ABCC1: variants seen among roughly 807,000 people sequenced by gnomAD.
The protein encoded by ABCC1 is ATP binding cassette subfamily C member 1 (ABCC1 blood group), also known as multidrug resistance-associated protein 1.
ABCC1 carries 83 observed loss-of-function variants against 172.9 expected under a neutral mutation model. The ratio of observed to expected loss-of-function variants is 0.48; its 90% confidence interval spans 0.40 to 0.58. The LOEUF (loss-of-function observed/expected upper bound fraction) is 0.58. ABCC1 is among the 20% of genes least tolerant of loss of function. The pLI, the probability that ABCC1 is intolerant of heterozygous loss-of-function variation, is 0.00. For synonymous variants in ABCC1, 937 were observed against 825.2 expected (o/e 1.14, Z -2.32); for missense variants, 1,817 against 2,002.7 (o/e 0.91, Z 1.77).
At chr16:16,077,830 T>C (rs152032) in intron 15 of ABCC1, among the ~76,000 whole-genome samples, 62,083 of 152,022 alleles carry the variant, frequency 0.41, 14,265 homozygotes, top group African/African-American at 0.64. Context: ...TGAGACCAGC[T>C]TGGCCAACAT....
intron 1 of ABCC1, among the ~76,000 whole-genome samples, chr16:15,960,996 G>T (rs1031036332): frequency 7.5e-6 from 1 of 133,912 alleles, no homozygotes; most frequent in African/African-American, 2.8e-5. Flanking sequence ...TGAATGAAAC[G>T]CAGGTTTTTT....
At chr16:16,021,786 A>T (rs149702322) in intron 5 of ABCC1, among the ~76,000 whole-genome samples, 1 of 152,296 alleles carries the variant, frequency 6.6e-6, no homozygotes, top group African/African-American at 2.4e-5. Flanking sequence ...AGCAATTGAG[A>T]TGGGGGCAAG....
chr16:16,130,372 C>T (rs185305497), intron 26 of ABCC1, among the ~76,000 whole-genome samples: 1 of 152,130 alleles, frequency 6.6e-6, no homozygotes, highest in Non-Finnish European at 1.5e-5. Flanking sequence ...TTATTGGCAT[C>T]TAAAAACAAA....
chr16:16,047,945 A>G (rs762213742), intron 9 of ABCC1, among the ~76,000 whole-genome samples, 197 bp from the exon 10 acceptor site: 10 of 151,954 alleles, frequency 6.6e-5, no homozygotes, highest in Non-Finnish European at 1.5e-4. Flanking sequence ...GTTGGGAGGC[A>G]CTGAGCACCG....
intron 7 of ABCC1, among the ~76,000 whole-genome samples, chr16:16,039,260 T>C (rs2048880055): frequency 7.8e-6 from 1 of 128,130 alleles, no homozygotes; most frequent in Non-Finnish European, 1.6e-5. Flanking sequence ...TGTGTGTGTG[T>C]GTTTTCTTTT....
At position 16,131,938 on chromosome 16, in the gene ABCC1, G is replaced by C; in HGVS notation, c.3966+3G>C. On this transcript the variant is annotated splice_donor_region_variant and intron_variant, in intron 27 of 30. Coordinates refer to ENST00000399410, the MANE Select transcript of ABCC1 (RefSeq NM_004996.4). The stretch of plus-strand genomic sequence containing the variant: ...TCACGATCAATGGGGGAGAAAAGGT[G>C]GGTACACATCGCCCCATTCCCTCAC... 1.9e-6 allele frequency: 3 copies of C among 1,613,558 alleles called. No homozygotes were observed. Among genetic ancestry groups the C allele is most frequent in the Non-Finnish European group, 2.5e-6 (3 of 1,179,720 alleles).
intron 27 of ABCC1, among the ~76,000 whole-genome samples, chr16:16,132,521 T>G (rs762288264): frequency 0.021 from 1,927 of 93,912 alleles, 43 homozygotes; most frequent in Middle Eastern, 0.037. Context: ...TTTTTTTTTT[T>G]TTTTTTTTTT....
Position 16,142,390 on chromosome 16 carries a change from G to A in ABCC1, c.*1109G>A, listed in dbSNP as rs1309271431. ...CATGGTACCTGCTCATGGTTATGAA[G>A]CTTTCAAAGTAAAGAACACGAAATA... is the stretch of plus-strand genomic sequence containing the variant. On this transcript the variant is annotated 3_prime_UTR_variant, in exon 31 of 31. Coordinates refer to ENST00000399410, the MANE Select transcript of ABCC1 (RefSeq NM_004996.4). The A allele has an allele frequency of 6.6e-6, 1 of 152,166 alleles. No homozygotes were observed. The highest frequency in any genetic ancestry group is 1.5e-5 in the Non-Finnish European group (1 of 68,016). 9.4% of individuals were successfully genotyped at this position (152,166 alleles called of 1,614,324 possible). A position where few individuals can be genotyped will look rare whatever the true frequency, so the allele number is the denominator to read the frequency against.
chr16:15,950,587 A>G (rs972166049), intron 1 of ABCC1, among the ~76,000 whole-genome samples: 3 of 152,064 alleles, frequency 2.0e-5, no homozygotes, highest in Non-Finnish European at 4.4e-5. Context: ...TGGCCTGCGG[A>G]GCCTGACTGG....
chr16:16,077,481 C>T (rs1384060200), intron 15 of ABCC1, among the ~76,000 whole-genome samples: 17 of 151,978 alleles, frequency 1.1e-4, no homozygotes, highest in Admixed American at 1.1e-3. Flanking sequence ...CATGAGCCCC[C>T]AGAACCTTTC....
chr16:16,117,340 A>G (rs796351536), intron 23 of ABCC1, among the ~76,000 whole-genome samples: 6 of 152,260 alleles, frequency 3.9e-5, no homozygotes, highest in Admixed American at 1.3e-4. Flanking sequence ...GAACTAACTC[A>G]CTATCATGAG....
chr16:16,126,448 A>T (rs928274642), intron 26 of ABCC1, among the ~76,000 whole-genome samples: 2 of 152,126 alleles, frequency 1.3e-5, no homozygotes, highest in Admixed American at 1.3e-4. Context: ...CAGTGGCACA[A>T]TCTCGGCTCA....
chr16:15,955,328 A>T (rs1023264535), intron 1 of ABCC1, among the ~76,000 whole-genome samples: 1 of 152,164 alleles, frequency 6.6e-6, no homozygotes, highest in African/African-American at 2.4e-5. Context: ...ACTGCGCTCC[A>T]GCCTGGGTGA....
intron 6 of ABCC1, among the ~76,000 whole-genome samples, chr16:16,034,092 C>G (rs998749351): frequency 5.9e-5 from 8 of 136,124 alleles, no homozygotes; most frequent in Non-Finnish European, 9.1e-5. Context: ...CAGCGGCACA[C>G]TTGTAGCTCA....
At chr16:16,130,596 C>T (rs553163049) in intron 26 of ABCC1, among the ~76,000 whole-genome samples, 15 of 152,212 alleles carry the variant, frequency 9.9e-5, no homozygotes, top group African/African-American at 1.4e-4. Flanking sequence ...TTGTCTAAAC[C>T]GTAAAATTTT....
chr16:16,030,038 G>A (rs973645500), intron 5 of ABCC1, among the ~76,000 whole-genome samples: 1 of 152,074 alleles, frequency 6.6e-6, no homozygotes. Flanking sequence ...ATCACTCTGT[G>A]GTGATCGAAT....
intron 19 of ABCC1, among the ~76,000 whole-genome samples, chr16:16,100,513 C>G (rs1187215042): frequency 1.3e-5 from 2 of 152,140 alleles, no homozygotes; most frequent in Non-Finnish European, 2.9e-5. Flanking sequence ...CATGGGAAGT[C>G]CTGCTTGGTA....
At chr16:16,119,462 A>C (rs1343899314) in intron 23 of ABCC1, among the ~76,000 whole-genome samples, 1 of 151,872 alleles carries the variant, frequency 6.6e-6, no homozygotes, top group Non-Finnish European at 1.5e-5. Context: ...TCGGCAGGGC[A>C]GGTGGATCAC....
intron 15 of ABCC1, among the ~76,000 whole-genome samples, chr16:16,076,986 T>G (rs1039262110): frequency 2.0e-5 from 3 of 152,140 alleles, no homozygotes; most frequent in African/African-American, 7.2e-5. Flanking sequence ...TGAACTCCAG[T>G]GCCCCTCAGC....
Sources: gnomAD v4.1 joint callset for allele counts (sites outside exome capture counted in the v4.1 genomes callset) on GRCh38, gnomAD v4.1.1 for gene constraint, MANE v1.5 for transcripts, NCBI Gene and HGNC (gene_info 2026-07-23, HGNC 2026-07-21) for gene names.